The following STK39 variants were observed in gnomAD, a reference collection of about 807,000 sequenced individuals.
The protein encoded by STK39 is STE20/SPS1-related proline-alanine-rich protein kinase.
A neutral mutation model predicts 77.8 loss-of-function variants in STK39; 20 were observed. The ratio of observed to expected loss-of-function variants is 0.26; its 90% confidence interval spans 0.18 to 0.37. The LOEUF (loss-of-function observed/expected upper bound fraction) is 0.37, where lower values mean the gene tolerates loss of function less well. Among genes scored for constraint, STK39 ranks in the 10% least tolerant of loss-of-function variants. The pLI is 1.00. For synonymous variants in STK39, 246 were observed against 234.1 expected, an observed-to-expected ratio of 1.05 and a Z score of -0.47; for missense variants, 479 against 656.5, an observed-to-expected ratio of 0.73 and a Z score of 2.95.
intron 1 of STK39, among the ~76,000 whole-genome samples, chr2:168,206,121 C>T (rs935333298): frequency 6.6e-6 from 1 of 152,178 alleles, no homozygotes; most frequent in African/African-American, 2.4e-5. Context: ...TTACCACAAT[C>T]GCTGACAGCA....
chr2:168,073,229 C>A (rs1315431012), intron 12 of STK39, among the ~76,000 whole-genome samples: 1 of 152,148 alleles, frequency 6.6e-6, no homozygotes, highest in African/African-American at 2.4e-5. Flanking sequence ...GCTATCAGAG[C>A]AATTTCAACA....
intron 10 of STK39, among the ~76,000 whole-genome samples, chr2:168,075,682 T>C (rs1686061176): frequency 6.6e-6 from 1 of 151,604 alleles, no homozygotes; most frequent in Non-Finnish European, 1.5e-5. Flanking sequence ...ACCATGGGTA[T>C]TGGCAATCTA....
At chr2:168,102,787 C>G (rs1686866492) in intron 10 of STK39, among the ~76,000 whole-genome samples, 1 of 151,846 alleles carries the variant, frequency 6.6e-6, no homozygotes. Flanking sequence ...AAAAATTAGT[C>G]TGTGTGGTGG....
intron 1 of STK39, among the ~76,000 whole-genome samples, chr2:168,203,270 T>G (rs1347390157): frequency 6.6e-6 from 1 of 151,178 alleles, no homozygotes; most frequent in Non-Finnish European, 1.5e-5. Context: ...GAAAGGGGAG[T>G]GGGGTAAAGG....
rs1203851196 is a variant in STK39 at position 168,247,274 on chromosome 2, G to A, written c.162C>T (p.Val54=). ...ACGCGTCCCTGCAGATGGGCCAGCC[G>A]ACAGCCTGTGCCGCCGGGGCCGGGG... ...APAPAPAAQA[V]GWPICRDAYE... Residue 54 remains valine, a synonymous_variant, in exon 1 of 18, where the codon GTC becomes GTT. Transcript: ENST00000355999. The A allele has an allele frequency of 1.7e-5, 19 of 1,087,830 alleles. No homozygotes were observed. Among genetic ancestry groups the A allele is most frequent in the East Asian group, 4.6e-5 (1 of 21,976 alleles). 67.4% of individuals were successfully genotyped at this position (1,087,830 alleles called of 1,614,324 possible).
chr2:168,075,273 G>C, intron 10 of STK39, 42 bp from the exon 11 acceptor site: 3 of 1,610,146 alleles, frequency 1.9e-6, no homozygotes, highest in South Asian at 1.1e-5. Flanking sequence ...CTAGTCAAAT[G>C]TGAACCATTT....
chr2:168,073,716 C>T (rs968408974), intron 12 of STK39, among the ~76,000 whole-genome samples: 1 of 152,168 alleles, frequency 6.6e-6, no homozygotes, highest in African/African-American at 2.4e-5. Flanking sequence ...GCAACCTCCA[C>T]TTCCCGGGTT....
chr2:168,167,079 GAGA>G (rs1033875587), intron 3 of STK39, among the ~76,000 whole-genome samples: 1 of 152,154 alleles, frequency 6.6e-6, no homozygotes, highest in Non-Finnish European at 1.5e-5. Context: ...TTCATACCTG[GAGA>G]AGAGGACATA....
chr2:167,995,096 TA>T (rs1194276193), intron 16 of STK39, among the ~76,000 whole-genome samples: 1 of 128,116 alleles, frequency 7.8e-6, no homozygotes, highest in Non-Finnish European at 1.8e-5. Context: ...ATATTATATA[TA>T]TATTTTTCTT....
At chr2:168,161,461 G>A (rs904238994) in intron 5 of STK39, among the ~76,000 whole-genome samples, 4 of 151,998 alleles carry the variant, frequency 2.6e-5, no homozygotes, top group Non-Finnish European at 5.9e-5. Context: ...CAAACCTATC[G>A]AAAAATGTTT....
At chr2:168,216,244 G>A (rs1351571806) in intron 1 of STK39, among the ~76,000 whole-genome samples, 1 of 152,120 alleles carries the variant, frequency 6.6e-6, no homozygotes, top group Non-Finnish European at 1.5e-5. Flanking sequence ...GGTAAGGACT[G>A]AGTCAAATCA....
At chr2:168,231,742 CT>C (rs1690461076) in intron 1 of STK39, among the ~76,000 whole-genome samples, 1 of 152,054 alleles carries the variant, frequency 6.6e-6, no homozygotes, top group Non-Finnish European at 1.5e-5. Flanking sequence ...GTGAAGAATC[CT>C]TTTCCATCCC....
chr2:168,053,671 G>A (rs1459829824), intron 14 of STK39, among the ~76,000 whole-genome samples: 3 of 152,162 alleles, frequency 2.0e-5, no homozygotes, highest in African/African-American at 7.2e-5. Context: ...GATTTTTCAT[G>A]CTTCTATTTT....
At chr2:168,230,557 A>G (rs1690427482) in intron 1 of STK39, among the ~76,000 whole-genome samples, 1 of 152,204 alleles carries the variant, frequency 6.6e-6, no homozygotes, top group Non-Finnish European at 1.5e-5. Flanking sequence ...CAAATTGCTA[A>G]CTTGTATTAT....
chr2:168,160,069 T>G (rs970350244), intron 5 of STK39, among the ~76,000 whole-genome samples: 1 of 152,174 alleles, frequency 6.6e-6, no homozygotes, highest in Non-Finnish European at 1.5e-5. Flanking sequence ...AAGGACAATG[T>G]GTTCCAGAAG....
At chr2:168,214,287 G>A (rs1035839160) in intron 1 of STK39, among the ~76,000 whole-genome samples, 4 of 151,684 alleles carry the variant, frequency 2.6e-5, no homozygotes, top group Non-Finnish European at 5.9e-5. Context: ...ACTAAAAAGT[G>A]GGTACATTTT....
chr2:168,223,005 T>C (rs1690213751), intron 1 of STK39, among the ~76,000 whole-genome samples: 1 of 152,162 alleles, frequency 6.6e-6, no homozygotes, highest in Non-Finnish European at 1.5e-5. Flanking sequence ...TATTGCACAT[T>C]CATGATCTTT....
intron 1 of STK39, among the ~76,000 whole-genome samples, chr2:168,199,623 G>A (rs1320666860): frequency 6.6e-6 from 1 of 151,890 alleles, no homozygotes; most frequent in East Asian, 1.9e-4. Context: ...TGCCTCCCAG[G>A]TTCAAGCGAT....
At chr2:167,992,567 G>T (rs1276965310) in intron 16 of STK39, among the ~76,000 whole-genome samples, 1 of 152,146 alleles carries the variant, frequency 6.6e-6, no homozygotes, top group Non-Finnish European at 1.5e-5. Flanking sequence ...TAGGCAAAGA[G>T]GCACTCAATT....
Sources: gnomAD v4.1 joint callset for allele counts (sites outside exome capture counted in the v4.1 genomes callset) on GRCh38, gnomAD v4.1.1 for gene constraint, MANE v1.5 for transcripts, NCBI Gene and HGNC (gene_info 2026-07-23, HGNC 2026-07-21) for gene names.